Variants in OPCML observed in about 807,000 individuals in gnomAD.
OPCML encodes opioid-binding protein/cell adhesion molecule.
OPCML carries 13 observed loss-of-function variants against 37.8 expected under a neutral mutation model. The ratio of observed to expected loss-of-function variants is 0.34; its 90% CI spans 0.22 to 0.55. The LOEUF (loss-of-function observed/expected upper bound fraction) is 0.55. OPCML is among the 20% of genes least tolerant of loss of function. The pLI, the probability that OPCML is intolerant of heterozygous loss-of-function variation, is 0.91. For missense variants in OPCML, 341 were observed against 435.6 expected (o/e 0.78, Z 1.93); for synonymous variants, 176 against 168.8 (o/e 1.04, Z -0.33).
intron 1 of OPCML, among the ~76,000 whole-genome samples, chr11:133,394,911 C>T (rs1289091386): frequency 6.6e-6 from 1 of 152,196 alleles, no homozygotes; most frequent in Non-Finnish European, 1.5e-5. Flanking sequence ...TGCTAGATCA[C>T]ATGGTAGCTC....
At position 133,493,520 on chromosome 11, in the gene OPCML, T is replaced by C. The variant is rs1470902456; in HGVS notation, c.61+38744A>G. 2.0e-5 allele frequency among the ~76,000 whole-genome samples: 3 copies of C among 152,230 alleles called. No individual in the cohort carries two copies. In the East Asian group the frequency reaches 5.8e-4, roughly 29 times the overall value. On this transcript the variant is annotated intron_variant, in intron 1 of 7. Coordinates refer to ENST00000524381, the MANE Select transcript of OPCML (RefSeq NM_001012393.5). ...AACCCATGAATATATTTCAAACCAA[T>C]AAGACACTTCTACAACATCTTTTCT...
At chr11:133,031,378 G>A (rs1947666765) in intron 1 of OPCML, among the ~76,000 whole-genome samples, 1 of 133,778 alleles carries the variant, frequency 7.5e-6, no homozygotes, top group Non-Finnish European at 1.7e-5. Flanking sequence ...TAGGTGGATG[G>A]ATGGATGGAT....
chr11:132,719,393 A>G (rs1944602016), intron 2 of OPCML, among the ~76,000 whole-genome samples: 1 of 152,170 alleles, frequency 6.6e-6, no homozygotes, highest in Admixed American at 6.5e-5. Flanking sequence ...GACTGACGAG[A>G]ACCTGAGGTC....
At chr11:132,764,160 A>G (rs1327626319) in intron 2 of OPCML, among the ~76,000 whole-genome samples, 1 of 152,208 alleles carries the variant, frequency 6.6e-6, no homozygotes, top group Non-Finnish European at 1.5e-5. Flanking sequence ...AAATCAAAGA[A>G]ATGCCTATTA....
At chr11:132,435,094 A>G in intron 7 of OPCML, 1 of 907,200 alleles carries the variant, frequency 1.1e-6, no homozygotes, top group Non-Finnish European at 1.6e-6. Flanking sequence ...TCTTTGAAGT[A>G]GGCTAAAACT....
At chr11:133,201,521 T>A (rs1270669779) in intron 1 of OPCML, among the ~76,000 whole-genome samples, 1 of 152,084 alleles carries the variant, frequency 6.6e-6, no homozygotes, top group African/African-American at 2.4e-5. Context: ...CTCATCCCAG[T>A]TTATCATAAG....
chr11:133,205,586 A>C lies in OPCML; in HGVS notation c.62-262576T>G, dbSNP rs1371056172. Among the ~76,000 whole-genome samples, 1 of 152,180 alleles carries C rather than the reference A, an allele frequency of 6.6e-6. No individual in the cohort carries two copies. The highest frequency in any genetic ancestry group is 6.5e-5 in the Admixed American group (1 of 15,276). On this transcript the variant is annotated intron_variant, in intron 1 of 7. Transcript: ENST00000524381. This position sits in a 1 kb window ranked among gnomAD's most constrained non-coding sequence, Gnocchi z 4.8. ...GGTAGACAGTGTCAGAATTGAATTG[A>C]ATTGGAGAACGCCCAGTCCTCACGA... is the stretch of plus-strand genomic sequence containing the variant.
chr11:133,072,207 A>G (rs1368928323), intron 1 of OPCML, among the ~76,000 whole-genome samples: 2 of 152,210 alleles, frequency 1.3e-5, no homozygotes, highest in East Asian at 3.9e-4. Context: ...ATGGGTGCAT[A>G]ACCTTGGGAA....
intron 2 of OPCML, among the ~76,000 whole-genome samples, chr11:132,712,574 G>T (rs1944311262): frequency 6.6e-6 from 1 of 152,190 alleles, no homozygotes; most frequent in African/African-American, 2.4e-5. Flanking sequence ...AAGAACATGG[G>T]ATTAAGAAGA....
chr11:132,469,553 G>T (rs925264872), intron 4 of OPCML, among the ~76,000 whole-genome samples: 2 of 147,116 alleles, frequency 1.4e-5, no homozygotes, highest in Non-Finnish European at 3.0e-5. Context: ...TGGGGTGTGT[G>T]TGTGTATCTG....
intron 4 of OPCML, among the ~76,000 whole-genome samples, chr11:132,491,924 ATT>A (rs780995319): frequency 0.019 from 2,596 of 133,142 alleles, 84 homozygotes; most frequent in African/African-American, 0.065. Context: ...GACATACCTA[ATT>A]TTTTTTTTTT....
chr11:133,396,405 A>G (rs1030844182), intron 1 of OPCML, among the ~76,000 whole-genome samples: 6 of 152,038 alleles, frequency 3.9e-5, no homozygotes, highest in Non-Finnish European at 1.5e-5. Context: ...TGCTCTAGCT[A>G]GGACTTCCTG....
chr11:133,104,951 T>C (rs1029144296), intron 1 of OPCML, among the ~76,000 whole-genome samples: 13 of 152,282 alleles, frequency 8.5e-5, no homozygotes, highest in Admixed American at 7.8e-4. Flanking sequence ...CCAGCTAACT[T>C]GAGATGTAAT....
At chr11:133,003,818 C>T (rs1159503643) in intron 1 of OPCML, 1 of 985,264 alleles carries the variant, frequency 1.0e-6, no homozygotes, top group Admixed American at 6.2e-5. Flanking sequence ...CACAATTTCT[C>T]CAAACAGCGG....
chr11:132,749,309 A>G (rs1378977854), intron 2 of OPCML, among the ~76,000 whole-genome samples: 1 of 152,202 alleles, frequency 6.6e-6, no homozygotes, highest in Non-Finnish European at 1.5e-5. Flanking sequence ...GGAACAAACT[A>G]TGACAGGCTG....
intron 1 of OPCML, among the ~76,000 whole-genome samples, chr11:133,014,540 C>T (rs1393115899): frequency 6.6e-6 from 1 of 152,170 alleles, no homozygotes; most frequent in East Asian, 1.9e-4. Flanking sequence ...GTATCACTAG[C>T]CATCTGTCAG....
chr11:132,977,949 C>G (rs1367706015), intron 1 of OPCML, among the ~76,000 whole-genome samples: 1 of 152,008 alleles, frequency 6.6e-6, no homozygotes, highest in East Asian at 1.9e-4. Context: ...GAATGAAGAG[C>G]AGAAATGGGC....
At chr11:132,977,715 C>A (rs1382107761) in intron 1 of OPCML, among the ~76,000 whole-genome samples, 1 of 152,262 alleles carries the variant, frequency 6.6e-6, no homozygotes, top group African/African-American at 2.4e-5. Context: ...CGGTGACCCA[C>A]CTGATCTACA....
At chr11:133,368,914 C>A (rs1944612390) in intron 1 of OPCML, among the ~76,000 whole-genome samples, 1 of 152,328 alleles carries the variant, frequency 6.6e-6, no homozygotes, top group Non-Finnish European at 1.5e-5. Flanking sequence ...CCTCACTTGA[C>A]TTCTCTGTGT....
Sources: allele counts gnomAD v4.1 joint callset (sites outside exome capture counted in the v4.1 genomes callset), GRCh38; gene constraint gnomAD v4.1.1; non-coding constraint Gnocchi (gnomAD v3.1); transcripts MANE v1.5; gene names NCBI Gene and HGNC (gene_info 2026-07-23, HGNC 2026-07-21).